CCDC88A: variants seen among roughly 807,000 people sequenced by gnomAD.
The protein encoded by CCDC88A is coiled-coil and HOOK domain protein 88A.
A neutral mutation model predicts 234.3 loss-of-function variants in CCDC88A; 54 were observed. The ratio of observed to expected loss-of-function variants is 0.23; its 90% CI spans 0.19 to 0.29. The LOEUF (loss-of-function observed/expected upper bound fraction) is 0.29. Ranked by LOEUF, CCDC88A falls within the 10% of genes least tolerant of loss-of-function variation. CCDC88A has a pLI of 1.00. For missense variants in CCDC88A, 1,832 were observed against 2,123.4 expected, an observed-to-expected ratio of 0.86 and a Z score of 2.70; for synonymous variants, 753 against 737.8, an observed-to-expected ratio of 1.02 and a Z score of -0.33.
intron 2 of CCDC88A, among the ~76,000 whole-genome samples, chr2:55,415,753 G>A (rs1681259834): frequency 6.6e-6 from 1 of 152,148 alleles, no homozygotes; most frequent in African/African-American, 2.4e-5. Context: ...CAAAAAGACT[G>A]AGAGCGAACA....
At position 55,380,473 on chromosome 2, in the gene CCDC88A, A is replaced by G. The variant is rs1326437847; in HGVS notation, c.274-5590T>C. Reference sequence around the variant, plus strand: ...ATCATTAAGAAAAGACAGAAAAAAGAAAGAACTGGCAGAGATTATGGTAAT... The same window carrying G: ...ATCATTAAGAAAAGACAGAAAAAAGGAAGAACTGGCAGAGATTATGGTAAT... On this transcript the variant is annotated intron_variant, in intron 3 of 32. Transcript: ENST00000436346. Among the ~76,000 whole-genome samples the G allele has an allele frequency of 8.5e-5, 13 of 152,308 alleles. No homozygotes were observed. In the East Asian group the frequency reaches 2.3e-3, roughly 27 times the overall value.
At position 55,334,666 on chromosome 2, in the gene CCDC88A, T is replaced by C. The variant is rs753531646; in HGVS notation, c.2155A>G (p.Lys719Glu). The change falls in exon 15 of 33, where the codon AAA (lysine) becomes GAA (glutamate). Residue 719 changes from lysine to glutamate, a missense_variant. Lys to Glu is a moderately conservative substitution (Grantham distance 56). This residue lies in a region of CCDC88A where 1,282 missense variants were observed against 1,543.6 expected (regional missense o/e 0.83). Transcript: ENST00000436346. The surrounding 1 kb of genome is among the most constrained non-coding windows in gnomAD (Gnocchi z 6.1). ...TTTTCTAGCTGTAGCTGAGCCATTT[T>C]CATGCTTGCACACTTCAAAGATTCT... ...NVESLKCASM[K>E]MAQLQLENKE... 1.2e-6 allele frequency: 2 copies of C among 1,613,852 alleles called. No individual in the cohort carries two copies. Among genetic ancestry groups the C allele is most frequent in the South Asian group, 2.2e-5 (2 of 91,064 alleles).
rs60840841 is a variant in CCDC88A, at chr2:55,416,443, AATATATATATATATATATATATATAT to A, written c.164+2347_164+2372del. Among the ~76,000 whole-genome samples, 4 of 15,838 alleles carry A rather than the reference AATATATATATATATATATATATATAT, an allele frequency of 2.5e-4. No homozygotes were observed. The East Asian group carries it at 5.3e-3, about 21-fold the overall frequency. The allele number at this position is 15,838 out of a possible 152,430, so 10.4% of individuals were successfully genotyped here. A position where few individuals can be genotyped will look rare whatever the true frequency, so the allele number is the denominator to read the frequency against. On this transcript the variant is annotated intron_variant, in intron 2 of 32. Coordinates refer to ENST00000436346, the MANE Select transcript of CCDC88A (RefSeq NM_001365480.1). ...AAGAGGTCAAATAAATAAATAAATAAATATATATATATATATATATATATATATATATATATATATATATGTATATA... is the reference window on the plus strand; with the variant it reads ...AAGAGGTCAAATAAATAAATAAATAAATATATATATATATATATGTATATA...
At chr2:55,366,083 T>C (rs924478123) in intron 5 of CCDC88A, among the ~76,000 whole-genome samples, 16 of 152,164 alleles carry the variant, frequency 1.1e-4, no homozygotes, top group Non-Finnish European at 2.1e-4. Context: ...CTAAATAATA[T>C]CAGCAAATTG....
chr2:55,291,861 A>G, intron 31 of CCDC88A, 86 bp from the exon 32 acceptor site: 2 of 960,598 alleles, frequency 2.1e-6, no homozygotes, highest in Admixed American at 2.1e-5. Flanking sequence ...CTCACTGAGT[A>G]GGGCAAGGAG....
At chr2:55,409,738 C>CTTTTTTT (rs61703330) in intron 2 of CCDC88A, among the ~76,000 whole-genome samples, 20,309 of 107,890 alleles carry the variant, frequency 0.19, 2,920 homozygotes, top group East Asian at 0.28. Context: ...ATATACCTCC[C>CTTTTTTT]TTTTTTTTTT....
intron 23 of CCDC88A, among the ~76,000 whole-genome samples, chr2:55,311,187 C>T (rs1222980470): frequency 6.6e-6 from 1 of 152,136 alleles, no homozygotes; most frequent in Non-Finnish European, 1.5e-5. Context: ...TAACCTAAAA[C>T]AAGCCTTCTT....
At chr2:55,371,001 C>T (rs1411644316) in intron 5 of CCDC88A, among the ~76,000 whole-genome samples, 2 of 152,016 alleles carry the variant, frequency 1.3e-5, no homozygotes, top group Non-Finnish European at 2.9e-5. Context: ...CAGAGTGAGA[C>T]CCTGTCTCAA....
chr2:55,321,353 C>A (rs1683610782), intron 18 of CCDC88A, among the ~76,000 whole-genome samples: 1 of 151,974 alleles, frequency 6.6e-6, no homozygotes, highest in Non-Finnish European at 1.5e-5. Flanking sequence ...GAGATTGAGA[C>A]CATCCTGACA....
chr2:55,372,709 A>G (rs571478570), intron 4 of CCDC88A, among the ~76,000 whole-genome samples, 199 bp from the exon 5 acceptor site: 7 of 152,292 alleles, frequency 4.6e-5, no homozygotes, highest in African/African-American at 1.7e-4. Context: ...GAAGAATATC[A>G]ATTTTGAAGG....
intron 7 of CCDC88A, among the ~76,000 whole-genome samples, chr2:55,360,163 T>C (rs10209298): frequency 0.052 from 7,931 of 152,210 alleles, 683 homozygotes; most frequent in African/African-American, 0.18. Flanking sequence ...ATTTGGGTTT[T>C]AGTAAAAGGA....
chr2:55,371,593 G>A (rs1262070438), intron 5 of CCDC88A, among the ~76,000 whole-genome samples: 1 of 152,118 alleles, frequency 6.6e-6, no homozygotes. Flanking sequence ...TAAACTTAGA[G>A]TAATCATCCT....
intron 31 of CCDC88A, chr2:55,294,174 G>A: frequency 1.3e-6 from 1 of 774,976 alleles, no homozygotes; most frequent in Non-Finnish European, 1.6e-6. Context: ...CCAACACAAT[G>A]AATATAATTT....
intron 2 of CCDC88A, among the ~76,000 whole-genome samples, chr2:55,399,428 C>T (rs1458518082): frequency 6.6e-6 from 1 of 150,826 alleles, no homozygotes; most frequent in African/African-American, 2.4e-5. Flanking sequence ...ATTCAGGAGG[C>T]TGAGGCAGAG....
rs1684973981 is a variant in CCDC88A at position 55,332,068 on chromosome 2, T to TTA, written c.2855+496_2855+497dup. On this transcript the variant is annotated intron_variant, in intron 16 of 32. Coordinates refer to ENST00000436346, the MANE Select transcript of CCDC88A (RefSeq NM_001365480.1). This position sits in a 1 kb window ranked among gnomAD's most constrained non-coding sequence, Gnocchi z 4.5. ...AGTAACATTTTAGTTTTTTGTTTTC[T>TTA]TATATCTATATTAGATTGTCTATGA... 1 of 152,176 alleles carries TTA rather than the reference T, an allele frequency of 6.6e-6. No individual in the cohort carries two copies. Among genetic ancestry groups the TTA allele is most frequent in the South Asian group, 2.1e-4 (1 of 4,832 alleles). The allele number at this position is 152,176 out of a possible 1,614,324, so 9.4% of individuals were successfully genotyped here. A position where few individuals can be genotyped will look rare whatever the true frequency, so the allele number is the denominator to read the frequency against.
chr2:55,393,583 G>C (rs549612655), intron 2 of CCDC88A, among the ~76,000 whole-genome samples: 27 of 151,796 alleles, frequency 1.8e-4, no homozygotes, highest in Admixed American at 9.2e-4. Flanking sequence ...CATGAGCCAC[G>C]ATGCCCAGCC....
chr2:55,366,208 G>A (rs994190923), intron 5 of CCDC88A, among the ~76,000 whole-genome samples: 2 of 152,120 alleles, frequency 1.3e-5, no homozygotes, highest in African/African-American at 4.8e-5. Context: ...TACTAAGCCA[G>A]TAGATTACCA....
chr2:55,395,654 G>T (rs1677405060), intron 2 of CCDC88A, among the ~76,000 whole-genome samples: 2 of 152,190 alleles, frequency 1.3e-5, no homozygotes, highest in Admixed American at 1.3e-4. Flanking sequence ...AAAGTTACGA[G>T]CTGACAACCT....
rs1157748507 is a variant in CCDC88A at position 55,308,793 on chromosome 2, G to A, written c.4387+16C>T. On this transcript the variant is annotated intron_variant, in intron 25 of 32. Coordinates refer to ENST00000436346, the MANE Select transcript of CCDC88A (RefSeq NM_001365480.1). The stretch of plus-strand genomic sequence containing the variant: ...ATTCTAAATCAATACGATGTTTAAA[G>A]AGTTTAAGCACTCACTGCTGCTTTT... The A allele has an allele frequency of 6.3e-7, 1 of 1,588,518 alleles. No individual in the cohort carries two copies. The highest frequency in any genetic ancestry group is 1.3e-5 in the African/African-American group (1 of 74,382).
Sources: allele counts gnomAD v4.1 joint callset (sites outside exome capture counted in the v4.1 genomes callset), GRCh38; gene constraint gnomAD v4.1.1; regional missense constraint gnomAD v4.1.1; non-coding constraint Gnocchi (gnomAD v3.1); transcripts MANE v1.5; gene names NCBI Gene and HGNC (gene_info 2026-07-23, HGNC 2026-07-21).